TRIM36: variants seen among roughly 807,000 people sequenced by gnomAD.
TRIM36 encodes E3 ubiquitin-protein ligase TRIM36.
In TRIM36, 42 loss-of-function variants were observed where a neutral mutation model predicts 72.4. The observed-to-expected ratio is 0.58, with a 90% CI of 0.45 to 0.75. The LOEUF (loss-of-function observed/expected upper bound fraction) is 0.75. Ranked by LOEUF, TRIM36 falls within the 30% of genes least tolerant of loss-of-function variation. TRIM36 has a pLI of 0.00. For missense variants in TRIM36, 913 were observed against 857.1 expected (o/e 1.07, Z -0.81); for synonymous variants, 315 against 282.8 (o/e 1.11, Z -1.14).
intron 1 of TRIM36, among the ~76,000 whole-genome samples, chr5:115,178,613 T>A (rs544005486): frequency 6.6e-6 from 1 of 152,194 alleles, no homozygotes; most frequent in Non-Finnish European, 1.5e-5. Context: ...TCGGATATAC[T>A]GGACAGTGTG....
intron 2 of TRIM36, among the ~76,000 whole-genome samples, chr5:115,155,782 C>T (rs1164711539): frequency 6.6e-6 from 1 of 152,166 alleles, no homozygotes; most frequent in African/African-American, 2.4e-5. Context: ...TCTTACCACC[C>T]TTCTTCAATA....
chr5:115,170,477 C>T (rs1048945203), upstream of TRIM36, among the ~76,000 whole-genome samples: 3 of 152,188 alleles, frequency 2.0e-5, no homozygotes, highest in Non-Finnish European at 4.4e-5. Context: ...GCGAGGCGAC[C>T]AGAGTGAGAC....
intron 2 of TRIM36, among the ~76,000 whole-genome samples, chr5:115,162,712 T>A (rs73780080): frequency 3.3e-5 from 5 of 152,076 alleles, no homozygotes; most frequent in African/African-American, 9.7e-5. Flanking sequence ...CAGCAGAATA[T>A]CAAGTTTTAT....
chr5:115,129,050 A>T (rs983582902), intron 9 of TRIM36, among the ~76,000 whole-genome samples: 2 of 152,116 alleles, frequency 1.3e-5, no homozygotes, highest in African/African-American at 4.8e-5. Flanking sequence ...AGATACACAA[A>T]TACTTACTGT....
At chr5:115,132,871 A>G (rs1363978649) in intron 8 of TRIM36, among the ~76,000 whole-genome samples, 1 of 152,226 alleles carries the variant, frequency 6.6e-6, no homozygotes, top group Non-Finnish European at 1.5e-5. Context: ...CATAAACCAT[A>G]AAATAGTTAC....
chr5:115,152,853 T>C (rs898606554), intron 2 of TRIM36, among the ~76,000 whole-genome samples: 16 of 152,168 alleles, frequency 1.1e-4, no homozygotes, highest in Non-Finnish European at 1.2e-4. Context: ...CTAAAAGAAC[T>C]GCTAAAAGGA....
At chr5:115,170,926 G>C (rs547487872), upstream of TRIM36, among the ~76,000 whole-genome samples, 5 of 152,372 alleles carry the variant, frequency 3.3e-5, no homozygotes, top group South Asian at 1.0e-3. Flanking sequence ...CACGGCCCAA[G>C]TGTGTTTCTG....
chr5:115,126,636 A>C lies in TRIM36; in HGVS notation c.2018T>G (p.Met673Arg). ...CACTTGGCGTTCATAAAGGCATTTC[A>C]TCTGATCCATATCATAGAAATCTAC... ...GKVDFYDMDQ[M>R]KCLYERQVDC... The change falls in exon 10 of 10, where the codon ATG becomes AGG. Residue 673 changes from methionine (M) to arginine (R), a missense_variant. Coordinates refer to ENST00000513154, the MANE Select transcript of TRIM36 (RefSeq NM_001300759.2). 2 of 1,614,198 alleles carry C rather than the reference A, an allele frequency of 1.2e-6. No individual in the cohort carries two copies. Among genetic ancestry groups the C allele is most frequent in the Non-Finnish European group, 1.7e-6 (2 of 1,180,024 alleles).
rs911011593 is a variant in TRIM36, at chr5:115,125,762, G to C, written c.*741C>G. On this transcript the variant is annotated 3_prime_UTR_variant, in exon 10 of 10. Transcript: ENST00000513154. ...ATTTCTCTGAAAAAAAGTATATAAA[G>C]TGAGAAGTTTAATGTGTTAGCTGAG... 1.3e-5 allele frequency: 2 copies of C among 152,016 alleles called. No homozygotes were observed. 9.4% of individuals were successfully genotyped at this position (152,016 alleles called of 1,614,324 possible).
intron 2 of TRIM36, among the ~76,000 whole-genome samples, chr5:115,155,925 C>T (rs1754154999): frequency 6.6e-6 from 1 of 152,138 alleles, no homozygotes; most frequent in South Asian, 2.1e-4. Context: ...CTCCAGAAAG[C>T]TCCTAAAACA....
intron 7 of TRIM36, among the ~76,000 whole-genome samples, chr5:115,134,597 C>A (rs561439978): frequency 1.2e-4 from 18 of 151,814 alleles, no homozygotes; most frequent in African/African-American, 4.1e-4. Context: ...CTGGAGTGCA[C>A]TGGCATGATC....
In TRIM36 at chr5:115,134,149, TGAAA is replaced by T. The variant is rs1391987774; in HGVS notation, c.1211-6_1211-3del. 2 of 1,548,640 alleles carry T rather than the reference TGAAA, an allele frequency of 1.3e-6. No homozygotes were observed. Among genetic ancestry groups the T allele is most frequent in the Non-Finnish European group, 1.7e-6 (2 of 1,151,218 alleles). The stretch of plus-strand genomic sequence containing the variant: ...CATTGATCTCTGGCACGTCTATGCC[TGAAA>T]GAATTATGAAATAGAAAACAACATT... On this transcript the variant is annotated splice_polypyrimidine_tract_variant and splice_region_variant and intron_variant, in intron 7 of 9. Transcript: ENST00000513154.
intron 1 of TRIM36, among the ~76,000 whole-genome samples, chr5:115,176,390 T>TA (rs1195786367): frequency 6.6e-6 from 1 of 152,174 alleles, no homozygotes; most frequent in Non-Finnish European, 1.5e-5. Flanking sequence ...AATTCTTGAA[T>TA]TTTTTGTGCC....
chr5:115,144,845 A>G, intron 3 of TRIM36, 101 bp from the exon 4 acceptor site: 1 of 1,301,470 alleles, frequency 7.7e-7, no homozygotes, highest in Non-Finnish European at 1.0e-6. Flanking sequence ...CACTAAATAA[A>G]GCCATTTAAG....
chr5:115,149,221 G>A (rs1753758310), intron 2 of TRIM36: 1 of 151,936 alleles, frequency 6.6e-6, no homozygotes, highest in Admixed American at 6.6e-5. Flanking sequence ...CACCACAGCA[G>A]GCATATCATG....
At chr5:115,152,586 G>A (rs1753951931) in intron 2 of TRIM36, among the ~76,000 whole-genome samples, 1 of 152,160 alleles carries the variant, frequency 6.6e-6, no homozygotes, top group African/African-American at 2.4e-5. Context: ...TACCAGTTAA[G>A]ACAAAGGAAA....
At chr5:115,171,297 A>G, upstream of TRIM36, 3 of 1,588,262 alleles carry the variant, frequency 1.9e-6, no homozygotes, top group Non-Finnish European at 2.6e-6. Context: ...CTCCATTTAC[A>G]GATGAGGTGA....
intron 2 of TRIM36, among the ~76,000 whole-genome samples, chr5:115,158,864 G>A (rs1162484338): frequency 1.3e-5 from 2 of 152,104 alleles, no homozygotes; most frequent in African/African-American, 4.8e-5. Flanking sequence ...AATTACACGT[G>A]GCTTCTAATC....
rs1308861778 is a variant in TRIM36, at chr5:115,169,861, G to A, written c.-227C>T. On this transcript the variant is annotated 5_prime_UTR_variant, in exon 1 of 10. Transcript: ENST00000513154. ...GAGCTTTGCTCCCAGCGACTACCCC[G>A]GGAATCCCGCCCAGCTGCCGGCTGC... 56 of 1,308,826 alleles carry A rather than the reference G, an allele frequency of 4.3e-5. No homozygotes were observed. Among genetic ancestry groups the A allele is most frequent in the Non-Finnish European group, 5.3e-5 (54 of 1,027,766 alleles). The allele number at this position is 1,308,826 out of a possible 1,614,324, so 81.1% of individuals were successfully genotyped here.
Sources: allele counts gnomAD v4.1 joint callset (sites outside exome capture counted in the v4.1 genomes callset), GRCh38; gene constraint gnomAD v4.1.1; transcripts MANE v1.5; gene names NCBI Gene and HGNC (gene_info 2026-07-23, HGNC 2026-07-21).